IGF2BP3: variants seen among roughly 807,000 people sequenced by gnomAD.
The protein encoded by IGF2BP3 is insulin-like growth factor 2 mRNA-binding protein 3.
Under a neutral mutation model 73.8 loss-of-function variants are expected in IGF2BP3, and 9 were observed. That is an observed-to-expected ratio of 0.12 (90% CI 0.07 to 0.21). IGF2BP3 has a LOEUF of 0.21. Ranked by LOEUF, IGF2BP3 falls within the 10% of genes least tolerant of loss-of-function variation. The pLI, the probability that IGF2BP3 is intolerant of heterozygous loss-of-function variation, is 1.00. For synonymous variants in IGF2BP3, 258 were observed against 256.7 expected (o/e 1.01, Z -0.05); for missense variants, 542 against 714.0 (o/e 0.76, Z 2.75).
intron 2 of IGF2BP3, among the ~76,000 whole-genome samples, chr7:23,424,137 T>TC (rs1168848935): frequency 6.6e-6 from 1 of 151,732 alleles, no homozygotes; most frequent in Non-Finnish European, 1.5e-5. Context: ...AATTTTTTTT[T>TC]CAACACAGTT....
intron 13 of IGF2BP3, 21 bp from the exon 14 acceptor site, chr7:23,312,869 TCA>T: frequency 1.3e-6 from 2 of 1,512,516 alleles, no homozygotes; most frequent in Non-Finnish European, 1.8e-6. Flanking sequence ...TAAATATAAA[TCA>T]CATTAAGTGG....
chr7:23,328,211 C>CT (rs1160292909), intron 10 of IGF2BP3, among the ~76,000 whole-genome samples: 4 of 152,016 alleles, frequency 2.6e-5, no homozygotes, highest in Admixed American at 6.6e-5. Flanking sequence ...TAATTGTTTC[C>CT]TTTTTTTCTT....
intron 2 of IGF2BP3, among the ~76,000 whole-genome samples, chr7:23,465,324 A>G (rs1457416333): frequency 6.6e-6 from 1 of 152,244 alleles, no homozygotes; most frequent in Non-Finnish European, 1.5e-5. Flanking sequence ...CAACACTATC[A>G]CAGATATCCA....
chr7:23,337,081 T>C (rs2128499366), intron 10 of IGF2BP3, among the ~76,000 whole-genome samples: 1 of 152,290 alleles, frequency 6.6e-6, no homozygotes, highest in Non-Finnish European at 1.5e-5. Flanking sequence ...AATAGTTAAG[T>C]ATTAGTGATT....
At chr7:23,389,380 T>G (rs1375230840) in intron 3 of IGF2BP3, among the ~76,000 whole-genome samples, 1 of 152,140 alleles carries the variant, frequency 6.6e-6, no homozygotes, top group Non-Finnish European at 1.5e-5. Context: ...CAAGCTGGTC[T>G]CAAACTCGTG....
intron 3 of IGF2BP3, among the ~76,000 whole-genome samples, chr7:23,368,331 G>C (rs200896115): frequency 3.2e-5 from 3 of 94,012 alleles, no homozygotes; most frequent in African/African-American, 1.2e-4. Flanking sequence ...AGAAAGAAAA[G>C]AAAGAAAGAA....
Position 23,436,026 on chromosome 7 carries a change from G to A in IGF2BP3, c.237-17202C>T, listed in dbSNP as rs555797946. Among the ~76,000 whole-genome samples the A allele has an allele frequency of 9.2e-5, 14 of 152,330 alleles. No homozygotes were observed. In the East Asian group the frequency reaches 2.1e-3, roughly 23 times the overall value. On this transcript the variant is annotated intron_variant, in intron 2 of 14. Transcript: ENST00000258729. ...CCTGCCTCGGCCTCCCAAAGTACTG[G>A]GAGAACAGGCATGAGCCACATGCCC...
chr7:23,360,520 T>C (rs1203135124), intron 5 of IGF2BP3, among the ~76,000 whole-genome samples: 3 of 152,248 alleles, frequency 2.0e-5, no homozygotes, highest in African/African-American at 4.8e-5. Flanking sequence ...ACTATGTGCA[T>C]CTTCAAATCT....
intron 5 of IGF2BP3, among the ~76,000 whole-genome samples, chr7:23,357,079 C>CA (rs1232096339): frequency 2.0e-5 from 3 of 152,056 alleles, no homozygotes; most frequent in Non-Finnish European, 4.4e-5. Context: ...CCCTGAATGG[C>CA]AAAAAATCCC....
chr7:23,321,261 A>G (rs1196132599), intron 10 of IGF2BP3, among the ~76,000 whole-genome samples: 1 of 152,206 alleles, frequency 6.6e-6, no homozygotes, highest in Non-Finnish European at 1.5e-5. Context: ...CTCACTCGGG[A>G]AGCGCAAGGG....
intron 11 of IGF2BP3, among the ~76,000 whole-genome samples, chr7:23,318,075 G>T (rs550469297): frequency 1.4e-4 from 21 of 152,180 alleles, no homozygotes; most frequent in Non-Finnish European, 2.8e-4. Context: ...AGGGAGAGCT[G>T]GGTCTGTCTC....
rs901659762 is a variant in IGF2BP3 at position 23,403,252 on chromosome 7, T to C, written c.285+15524A>G. On this transcript the variant is annotated intron_variant, in intron 3 of 14. Transcript: ENST00000258729. ...CACACAACTTTGCATTGCCTGTATA[T>C]TATTCCTGTCTCAACACCAGTATTG... is the stretch of plus-strand genomic sequence containing the variant. 4.6e-5 allele frequency among the ~76,000 whole-genome samples: 7 copies of C among 152,214 alleles called. No homozygotes were observed. In the East Asian group the frequency reaches 5.8e-4, roughly 13 times the overall value.
chr7:23,452,142 C>CT (rs568405870), intron 2 of IGF2BP3, among the ~76,000 whole-genome samples: 346 of 151,924 alleles, frequency 2.3e-3, no homozygotes, highest in African/African-American at 8.0e-3. Flanking sequence ...GTAGCTGGGA[C>CT]TACAGGCGCC....
intron 3 of IGF2BP3, among the ~76,000 whole-genome samples, chr7:23,397,395 G>C (rs1455175595): frequency 6.6e-6 from 1 of 152,218 alleles, no homozygotes; most frequent in African/African-American, 2.4e-5. Context: ...GTTGTCAACT[G>C]TCAGTGTCAA....
Position 23,469,897 on chromosome 7 carries a change from C to T in IGF2BP3, c.175+39G>A, listed in dbSNP as rs773936265. The stretch of plus-strand genomic sequence containing the variant: ...GTGGGCCTGGGCGGGCGGTGCAGGG[C>T]TGGGGCGAGAGCCCGGGTGGGGCCA... On this transcript the variant is annotated intron_variant, in intron 1 of 14. Transcript: ENST00000258729. The surrounding 1 kb of genome is among the most constrained non-coding windows in gnomAD (Gnocchi z 6.1). 1.9e-6 allele frequency: 3 copies of T among 1,544,330 alleles called. No individual in the cohort carries two copies. Among genetic ancestry groups the T allele is most frequent in the Non-Finnish European group, 2.6e-6 (3 of 1,146,698 alleles).
At chr7:23,404,619 C>T (rs575959717) in intron 3 of IGF2BP3, among the ~76,000 whole-genome samples, 7 of 152,274 alleles carry the variant, frequency 4.6e-5, no homozygotes, top group African/African-American at 1.7e-4. Flanking sequence ...ATACAATAGA[C>T]ATCTAGGCAA....
chr7:23,384,250 G>C (rs1210409577), intron 3 of IGF2BP3, among the ~76,000 whole-genome samples: 2 of 151,984 alleles, frequency 1.3e-5, no homozygotes, highest in Non-Finnish European at 2.9e-5. Context: ...GGGAAATATA[G>C]AAAGATTAGC....
rs1788674563 is a variant in IGF2BP3, at chr7:23,469,907, A to G, written c.175+29T>C. 3.2e-6 allele frequency: 5 copies of G among 1,566,710 alleles called. No homozygotes were observed. The highest frequency in any genetic ancestry group is 4.3e-6 in the Non-Finnish European group (5 of 1,158,766). ...GCGGGCGGTGCAGGGCTGGGGCGAG[A>G]GCCCGGGTGGGGCCAGGCCCGGGCC... On this transcript the variant is annotated intron_variant, in intron 1 of 14. Transcript: ENST00000258729. The surrounding 1 kb of genome is among the most constrained non-coding windows in gnomAD (Gnocchi z 6.1).
chr7:23,318,578 A>T (rs1425128521), intron 11 of IGF2BP3, among the ~76,000 whole-genome samples: 1 of 152,080 alleles, frequency 6.6e-6, no homozygotes, highest in African/African-American at 2.4e-5. Context: ...CAGAACACAC[A>T]GTTATCTATT....
Sources: allele counts gnomAD v4.1 joint callset (sites outside exome capture counted in the v4.1 genomes callset), GRCh38; gene constraint gnomAD v4.1.1; non-coding constraint Gnocchi (gnomAD v3.1); transcripts MANE v1.5; gene names NCBI Gene and HGNC (gene_info 2026-07-23, HGNC 2026-07-21).